TSNARE1: variants seen among roughly 807,000 people sequenced by gnomAD.
The protein encoded by TSNARE1 is t-SNARE domain containing 1.
In TSNARE1, 49 loss-of-function variants were observed where a neutral mutation model predicts 62.0. The observed-to-expected ratio is 0.79, with a 90% CI of 0.63 to 1.00. TSNARE1 has a LOEUF of 1.00. Ranked by LOEUF, TSNARE1 falls within the 50% of genes least tolerant of loss-of-function variation. TSNARE1 has a pLI of 0.00. For synonymous variants in TSNARE1, 328 were observed against 294.4 expected, an observed-to-expected ratio of 1.11 and a Z score of -1.17; for missense variants, 755 against 700.1, an observed-to-expected ratio of 1.08 and a Z score of -0.88.
intron 12 of TSNARE1, among the ~76,000 whole-genome samples, chr8:142,262,132 C>T (rs1818926056): frequency 6.6e-6 from 1 of 152,250 alleles, no homozygotes; most frequent in Non-Finnish European, 1.5e-5. Context: ...CGTGGTGGGA[C>T]AGCAGTCTCT....
intron 2 of TSNARE1, among the ~76,000 whole-genome samples, chr8:142,346,420 G>A (rs939810749): frequency 6.6e-5 from 10 of 152,240 alleles, no homozygotes; most frequent in South Asian, 4.1e-4. Flanking sequence ...CCCAGCCCCC[G>A]CACGGAACGC....
intron 12 of TSNARE1, among the ~76,000 whole-genome samples, chr8:142,241,028 CAAGACG>C (rs1817649304): frequency 6.6e-6 from 1 of 152,168 alleles, no homozygotes; most frequent in South Asian, 2.1e-4. Flanking sequence ...TGTAATTAGG[CAAGACG>C]AAGAAGTAAA....
intron 10 of TSNARE1, among the ~76,000 whole-genome samples, chr8:142,286,747 C>T (rs1052200950): frequency 2.8e-4 from 43 of 152,314 alleles, no homozygotes; most frequent in Middle Eastern, 3.4e-3. Context: ...CCCACCTCCA[C>T]GGGCTTCCCA....
intron 11 of TSNARE1, chr8:142,278,474 G>A (rs895409976): frequency 1.0e-6 from 1 of 985,370 alleles, no homozygotes; most frequent in African/African-American, 1.7e-5. Flanking sequence ...CCAGGAAGGG[G>A]AGGGTCCAGC....
chr8:142,393,366 A>C (rs1837680213), intron 1 of TSNARE1, among the ~76,000 whole-genome samples: 1 of 152,202 alleles, frequency 6.6e-6, no homozygotes, highest in Admixed American at 6.5e-5. Flanking sequence ...GCTTCGCTGA[A>C]ACGGGCACCG....
In TSNARE1 at chr8:142,344,129, G is replaced by A. The variant is rs758759469; in HGVS notation, c.582C>T (p.Val194=). The A allele has an allele frequency of 9.3e-6, 15 of 1,612,528 alleles. No homozygotes were observed. Among genetic ancestry groups the A allele is most frequent in the African/African-American group, 5.3e-5 (4 of 74,926 alleles). Residue 194 remains valine (V), a synonymous_variant, in exon 4 of 14, where the codon GTC becomes GTT. Coordinates refer to ENST00000524325, the MANE Select transcript of TSNARE1 (RefSeq NM_145003.5). The part of the protein sequence containing the change: ...LKHKWRDLRA[V]VRRKLGDLRK... ...GGAGGTCGCCCAGCTTGCGCCGCAC[G>A]ACGGCTCGTAGGTCCCGCCACTTGT...
chr8:142,223,271 T>TTCATCCACTCACTCAC (rs150738366), intron 13 of TSNARE1, among the ~76,000 whole-genome samples: 17 of 56,570 alleles, frequency 3.0e-4, no homozygotes, highest in Admixed American at 8.7e-4. Flanking sequence ...CACTCACTCA[T>TTCATCCACTCACTCAC]TCAGTCACTC....
At chr8:142,235,842 G>A (rs544017248) in intron 12 of TSNARE1, among the ~76,000 whole-genome samples, 65 of 152,298 alleles carry the variant, frequency 4.3e-4, no homozygotes, top group East Asian at 1.6e-3. Flanking sequence ...CCAGGGGCAC[G>A]GGAGTCCTGT....
intron 1 of TSNARE1, among the ~76,000 whole-genome samples, chr8:142,365,026 C>G (rs1033225407): frequency 3.3e-5 from 5 of 152,170 alleles, no homozygotes; most frequent in African/African-American, 1.2e-4. Flanking sequence ...TGCAAAGGAT[C>G]TTCCCTGAGA....
intron 12 of TSNARE1, among the ~76,000 whole-genome samples, chr8:142,261,029 AGAGAAAGAGG>A (rs1818848701): frequency 1.2e-5 from 1 of 84,880 alleles, no homozygotes; most frequent in Non-Finnish European, 2.4e-5. Flanking sequence ...GACAGGGAGG[AGAGAAAGAGG>A]AGGGAGGAAG....
At chr8:142,279,831 G>C in intron 11 of TSNARE1, 1 of 1,012,376 alleles carries the variant, frequency 9.9e-7, no homozygotes, top group Non-Finnish European at 1.2e-6. Context: ...GTGGTCCGGG[G>C]GGGCGGGCTG....
At chr8:142,311,021 T>G (rs373690573) in intron 9 of TSNARE1, among the ~76,000 whole-genome samples, 251 of 152,068 alleles carry the variant, frequency 1.7e-3, no homozygotes, top group African/African-American at 5.8e-3. Flanking sequence ...ACAAAAATTA[T>G]GTATTTTTAG....
At chr8:142,270,427 T>C (rs1429496562) in intron 12 of TSNARE1, 5 of 984,806 alleles carry the variant, frequency 5.1e-6, no homozygotes, top group Non-Finnish European at 6.0e-6. Flanking sequence ...GCAAGAAAAA[T>C]CTACAGGTAC....
intron 13 of TSNARE1, among the ~76,000 whole-genome samples, chr8:142,214,103 C>T (rs1031196040): frequency 2.0e-5 from 3 of 152,320 alleles, no homozygotes; most frequent in Non-Finnish European, 2.9e-5. Flanking sequence ...GTCTGAGGGC[C>T]TCAGGGCTCA....
intron 11 of TSNARE1, chr8:142,278,819 C>T (rs1159031211): frequency 4.1e-6 from 4 of 985,112 alleles, no homozygotes; most frequent in Admixed American, 6.1e-5. Flanking sequence ...GAGGGAGGGG[C>T]CTGCAGAAGG....
At chr8:142,361,394 C>T (rs1489610619) in intron 1 of TSNARE1, among the ~76,000 whole-genome samples, 4 of 152,338 alleles carry the variant, frequency 2.6e-5, no homozygotes, top group Middle Eastern at 3.4e-3. Context: ...CAGGGACGGG[C>T]TCCTCGGGCG....
intron 1 of TSNARE1, among the ~76,000 whole-genome samples, chr8:142,369,470 T>G (rs1007121452): frequency 1.3e-5 from 2 of 152,052 alleles, no homozygotes; most frequent in Non-Finnish European, 2.9e-5. Flanking sequence ...ACAAGAACAT[T>G]AGAAAAAGCA....
intron 10 of TSNARE1, among the ~76,000 whole-genome samples, chr8:142,290,228 G>A (rs527404511): frequency 2.0e-5 from 3 of 152,262 alleles, no homozygotes; most frequent in East Asian, 1.9e-4. Flanking sequence ...GGGCCTGCTC[G>A]AGGGGCTGGG....
At chr8:142,235,592 G>T (rs1817371860) in intron 12 of TSNARE1, among the ~76,000 whole-genome samples, 1 of 152,116 alleles carries the variant, frequency 6.6e-6, no homozygotes, top group South Asian at 2.1e-4. Flanking sequence ...GGAACGGATT[G>T]TTTCTTAAAT....
Sources: allele counts gnomAD v4.1 joint callset (sites outside exome capture counted in the v4.1 genomes callset), GRCh38; gene constraint gnomAD v4.1.1; transcripts MANE v1.5; gene names NCBI Gene and HGNC (gene_info 2026-07-23, HGNC 2026-07-21).